The following UBE2V2 variants were observed in gnomAD, a reference collection of about 807,000 sequenced individuals.
The protein encoded by UBE2V2 is ubiquitin-conjugating enzyme E2 variant 2.
A neutral mutation model predicts 17.2 loss-of-function variants in UBE2V2; 9 were observed. The observed-to-expected ratio is 0.52, with a 90% CI of 0.32 to 0.91. UBE2V2 has a LOEUF of 0.91. UBE2V2 is among the 40% of genes least tolerant of loss of function. The probability of loss-of-function intolerance (pLI) is 0.04; values close to 1 mark genes in which losing one functional copy is unlikely to be tolerated. For missense variants in UBE2V2, 133 were observed against 182.6 expected, an observed-to-expected ratio of 0.73 and a Z score of 1.56; for synonymous variants, 61 against 57.5, an observed-to-expected ratio of 1.06 and a Z score of -0.28.
intron 3 of UBE2V2, among the ~76,000 whole-genome samples, chr8:48,058,165 C>G (rs561963584): frequency 6.6e-6 from 1 of 151,168 alleles, no homozygotes; most frequent in Non-Finnish European, 1.5e-5. Flanking sequence ...GAAACCCTGT[C>G]TCTATAAAAA....
At chr8:48,036,637 A>G (rs1014191987) in intron 1 of UBE2V2, among the ~76,000 whole-genome samples, 3 of 151,048 alleles carry the variant, frequency 2.0e-5, no homozygotes, top group Admixed American at 1.3e-4. Flanking sequence ...GGGTTTCATC[A>G]TCTTGTCCAG....
At chr8:48,000,754 G>A in the UBE2V2 span, among the ~76,000 whole-genome samples, 71 of 150,390 alleles carry the variant, frequency 4.7e-4, 1 homozygote, top group African/African-American at 1.5e-3. Context: ...CCCAGGAGGC[G>A]GAGCCTGCAG....
At chr8:48,032,295 G>T (rs1328919455) in intron 1 of UBE2V2, among the ~76,000 whole-genome samples, 1 of 152,062 alleles carries the variant, frequency 6.6e-6, no homozygotes, top group Non-Finnish European at 1.5e-5. Flanking sequence ...AAATATTTTA[G>T]AGGCTAAAGT....
In UBE2V2 at chr8:48,061,502, G is replaced by C. The variant is rs912544839; in HGVS notation, c.*674G>C. Reference sequence around the variant, plus strand: ...TGAAGTCAACAAAAAGGAAATAGGTGTATGGATATGTGATTTTGAGATTAA... The same window carrying C: ...TGAAGTCAACAAAAAGGAAATAGGTCTATGGATATGTGATTTTGAGATTAA... On this transcript the variant is annotated 3_prime_UTR_variant, in exon 4 of 4. Transcript: ENST00000523111. The C allele has an allele frequency of 6.6e-6, 1 of 152,588 alleles. No individual in the cohort carries two copies. The highest frequency in any genetic ancestry group is 1.9e-4 in the East Asian group (1 of 5,204). The allele number at this position is 152,588 out of a possible 1,614,324, so 9.5% of individuals were successfully genotyped here.
At chr8:48,050,953 C>G (rs1204377297) in intron 3 of UBE2V2, among the ~76,000 whole-genome samples, 1 of 152,158 alleles carries the variant, frequency 6.6e-6, no homozygotes, top group African/African-American at 2.4e-5. Context: ...TCAAGTGATT[C>G]TCCCACTTCA....
chr8:48,040,883 G>T, intron 1 of UBE2V2, among the ~76,000 whole-genome samples: 1 of 113,628 alleles, frequency 8.8e-6, no homozygotes, highest in African/African-American at 3.2e-5. Flanking sequence ...GTGTGTGTGT[G>T]AGACAGAGTC....
chr8:48,041,700 TAAC>T (rs1050870189), intron 1 of UBE2V2: 1 of 151,872 alleles, frequency 6.6e-6, no homozygotes, highest in Non-Finnish European at 1.5e-5. Context: ...CAATTTCAGA[TAAC>T]AATAAATTGA....
rs147446868 is a variant in UBE2V2, at chr8:48,052,539, G to A, written c.291+2561G>A. ...CTTGTCAGTTTTATGTTCCAAATGT[G>A]ACTGGATTTAGGTCTTATTTTTCTA... On this transcript the variant is annotated intron_variant, in intron 3 of 3. Coordinates refer to ENST00000523111, the MANE Select transcript of UBE2V2 (RefSeq NM_003350.3). 3.9e-3 allele frequency among the ~76,000 whole-genome samples: 597 copies of A among 152,258 alleles called. 4 individuals are homozygous for A. The highest frequency in any genetic ancestry group is 0.024 in the South Asian group (118 of 4,820).
At chr8:48,000,468 T>A in the UBE2V2 span, among the ~76,000 whole-genome samples, 1 of 152,172 alleles carries the variant, frequency 6.6e-6, no homozygotes, top group Admixed American at 6.6e-5. Flanking sequence ...TGGTAAATTA[T>A]TTTACCACCT....
rs779965087 is a variant in UBE2V2, at chr8:48,021,077, G to GT, written c.16+12624dup. Among the ~76,000 whole-genome samples the GT allele has an allele frequency of 3.8e-3, 513 of 136,694 alleles. 3 individuals are homozygous for GT. The highest frequency in any genetic ancestry group is 0.025 in the East Asian group (119 of 4,750). The allele number at this position is 136,694 out of a possible 152,430, so 89.7% of individuals were successfully genotyped here. A position where few individuals can be genotyped will look rare whatever the true frequency, so the allele number is the denominator to read the frequency against. On this transcript the variant is annotated intron_variant, in intron 1 of 3. Coordinates refer to ENST00000523111, the MANE Select transcript of UBE2V2 (RefSeq NM_003350.3). ...GCTTTTTATGTTTTATCTATTATAG[G>GT]TTTTTTTTTTTTTTTTTAAGATGGA...
intron 1 of UBE2V2, among the ~76,000 whole-genome samples, chr8:48,036,042 C>T (rs771135447): frequency 8.7e-5 from 13 of 148,866 alleles, no homozygotes; most frequent in Non-Finnish European, 1.6e-4. Context: ...GCAGCCTCTA[C>T]CTCCCAGGCT....
intron 1 of UBE2V2, among the ~76,000 whole-genome samples, chr8:48,014,326 A>G (rs1217127919): frequency 6.6e-6 from 1 of 152,172 alleles, no homozygotes; most frequent in African/African-American, 2.4e-5. Flanking sequence ...ATGTCAACAC[A>G]TTAAGAACTC....
chr8:48,008,348 G>T, upstream of UBE2V2: 1 of 1,384,890 alleles, frequency 7.2e-7, no homozygotes, highest in Non-Finnish European at 9.3e-7. Context: ...CCCCGCGCCC[G>T]CCGGGGGCGG....
intron 1 of UBE2V2, among the ~76,000 whole-genome samples, chr8:48,037,739 A>C (rs2091434317): frequency 6.6e-6 from 1 of 152,198 alleles, no homozygotes; most frequent in Non-Finnish European, 1.5e-5. Context: ...AAATGGAAAT[A>C]AATAAATAAA....
At chr8:48,024,311 C>T (rs1266237436) in intron 1 of UBE2V2, among the ~76,000 whole-genome samples, 3 of 151,942 alleles carry the variant, frequency 2.0e-5, no homozygotes, top group African/African-American at 7.2e-5. Flanking sequence ...ATTTAAGACT[C>T]TTGGCTGGGT....
intron 3 of UBE2V2, among the ~76,000 whole-genome samples, chr8:48,059,854 A>C (rs948180900): frequency 6.6e-6 from 1 of 152,164 alleles, no homozygotes; most frequent in Admixed American, 6.6e-5. Flanking sequence ...AAATGCTGAC[A>C]GTTAACTGGG....
In UBE2V2 at chr8:48,016,630, G is replaced by A. The variant is rs187788971; in HGVS notation, c.16+8160G>A. ...CCCGAGTAGCTGGGATTACAGCCAC[G>A]CACCACCATGCCTGGCTAATTTTGT... On this transcript the variant is annotated intron_variant, in intron 1 of 3. Transcript: ENST00000523111. 3.3e-3 allele frequency among the ~76,000 whole-genome samples: 479 copies of A among 147,174 alleles called. 3 individuals are homozygous for A. The highest frequency in any genetic ancestry group is 0.012 in the African/African-American group (460 of 39,792).
At chr8:48,012,187 T>G (rs2091237216) in intron 1 of UBE2V2, among the ~76,000 whole-genome samples, 1 of 152,192 alleles carries the variant, frequency 6.6e-6, no homozygotes, top group South Asian at 2.1e-4. Context: ...ACTTCCCTTC[T>G]TAGCACAATC....
At chr8:48,052,249 G>GCATT (rs924013609) in intron 3 of UBE2V2, among the ~76,000 whole-genome samples, 17 of 152,224 alleles carry the variant, frequency 1.1e-4, no homozygotes, top group African/African-American at 2.7e-4. Context: ...GTGACACACA[G>GCATT]CATTGCCTTT....
Sources: allele counts gnomAD v4.1 joint callset (sites outside exome capture counted in the v4.1 genomes callset), GRCh38; gene constraint gnomAD v4.1.1; transcripts MANE v1.5; gene names NCBI Gene and HGNC (gene_info 2026-07-23, HGNC 2026-07-21).